Variants in MTF2 observed in about 807,000 individuals in gnomAD.
MTF2 encodes the protein metal response element binding transcription factor 2, also known as metal-response element-binding transcription factor 2.
MTF2 carries 11 observed loss-of-function variants against 79.5 expected under a neutral mutation model. The ratio of observed to expected loss-of-function variants is 0.14; its 90% CI spans 0.09 to 0.23. The LOEUF (loss-of-function observed/expected upper bound fraction) is 0.23, where lower values mean the gene tolerates loss of function less well. Among genes scored for constraint, MTF2 ranks in the 10% least tolerant of loss-of-function variants. The pLI is 1.00. For synonymous variants in MTF2, 208 were observed against 232.8 expected (o/e 0.89, Z 0.97); for missense variants, 486 against 711.2 (o/e 0.68, Z 3.60).
chr1:93,080,363 T>A (rs1654554748), intron 1 of MTF2, among the ~76,000 whole-genome samples: 2 of 152,208 alleles, frequency 1.3e-5, no homozygotes, highest in South Asian at 4.1e-4. Context: ...CAATCTGGTG[T>A]CCTTGGTTGC....
chr1:93,095,601 AAGT>A (rs979435908), intron 1 of MTF2, among the ~76,000 whole-genome samples: 2 of 151,528 alleles, frequency 1.3e-5, no homozygotes, highest in African/African-American at 4.9e-5. Flanking sequence ...TGGCCTCCCA[AAGT>A]ACTGACTGGG....
intron 3 of MTF2, among the ~76,000 whole-genome samples, chr1:93,112,572 A>G (rs12094547): frequency 0.16 from 24,813 of 152,152 alleles, 2,251 homozygotes; most frequent in African/African-American, 0.21. Flanking sequence ...CATTAAATGC[A>G]GAAGTTTATA....
At chr1:93,112,110 T>A (rs1340476820) in intron 3 of MTF2, among the ~76,000 whole-genome samples, 1 of 152,216 alleles carries the variant, frequency 6.6e-6, no homozygotes, top group Non-Finnish European at 1.5e-5. Context: ...GTCAGTTTAA[T>A]GTTCTGTGGT....
chr1:93,095,655 CTTTTT>C (rs111973268), intron 1 of MTF2, among the ~76,000 whole-genome samples: 2 of 118,742 alleles, frequency 1.7e-5, no homozygotes, highest in East Asian at 2.5e-4. Context: ...TTTCTCTGTT[CTTTTT>C]TTTTTTTTTT....
intron 1 of MTF2, among the ~76,000 whole-genome samples, chr1:93,100,974 A>G (rs1358340114): frequency 6.6e-6 from 1 of 152,184 alleles, no homozygotes; most frequent in Non-Finnish European, 1.5e-5. Context: ...ATTAACCCAC[A>G]TATTTACTAC....
chr1:93,098,984 AG>A (rs1188135861), intron 1 of MTF2, among the ~76,000 whole-genome samples: 1 of 152,240 alleles, frequency 6.6e-6, no homozygotes, highest in South Asian at 2.1e-4. Context: ...AGATGGTGAG[AG>A]GGGGATGTTT....
At chr1:93,136,472 C>T (rs1270870379) in intron 14 of MTF2, among the ~76,000 whole-genome samples, 198 bp from the exon 15 acceptor site, 1 of 152,146 alleles carries the variant, frequency 6.6e-6, no homozygotes, top group East Asian at 1.9e-4. Context: ...AAGTTCAGCT[C>T]CAAGAACGTG....
At chr1:93,096,779 A>G (rs1034293762) in intron 1 of MTF2, among the ~76,000 whole-genome samples, 3 of 150,538 alleles carry the variant, frequency 2.0e-5, no homozygotes, top group African/African-American at 7.3e-5. Context: ...TGGATTATTT[A>G]AAAGTGTATA....
intron 14 of MTF2, 28 bp from the exon 15 acceptor site, chr1:93,136,642 G>T: frequency 6.3e-7 from 1 of 1,579,112 alleles, no homozygotes; most frequent in South Asian, 1.1e-5. Context: ...AAGCTCAGTA[G>T]ACAATTCTGG....
rs1304652542 is a variant in MTF2 at position 93,134,080 on chromosome 1, T to C, written c.1320-11T>C. 3 of 1,594,658 alleles carry C rather than the reference T, an allele frequency of 1.9e-6. No homozygotes were observed. The African/African-American group carries it at 4.1e-5, about 22-fold the overall frequency. ...TATAGTCGTTACACAATTTAAATTC[T>C]TTTGTCTCAGGAGAACTGAGGGAAC... On this transcript the variant is annotated splice_polypyrimidine_tract_variant and intron_variant, in intron 13 of 14. Transcript: ENST00000370298.
intron 1 of MTF2, among the ~76,000 whole-genome samples, chr1:93,091,753 T>A (rs1256193383): frequency 6.6e-6 from 1 of 152,216 alleles, no homozygotes; most frequent in Non-Finnish European, 1.5e-5. Context: ...AAATACTGAA[T>A]ACATTGTTCT....
intron 1 of MTF2, among the ~76,000 whole-genome samples, chr1:93,097,306 A>G (rs1208578917): frequency 6.6e-6 from 1 of 152,132 alleles, no homozygotes; most frequent in African/African-American, 2.4e-5. Flanking sequence ...GATGAAAGAG[A>G]TAATTTAAAC....
At chr1:93,134,345 A>G (rs531888687) in intron 14 of MTF2, 150 bp downstream of exon 14, 16 of 586,856 alleles carry the variant, frequency 2.7e-5, no homozygotes, top group African/African-American at 2.3e-4. Flanking sequence ...GTAGATCCCA[A>G]TAGTTGTTAA....
At chr1:93,086,991 C>G (rs116753611) in intron 1 of MTF2, among the ~76,000 whole-genome samples, 1 of 152,192 alleles carries the variant, frequency 6.6e-6, no homozygotes, top group Non-Finnish European at 1.5e-5. Context: ...GTTTCATACA[C>G]ACGTTGTATG....
intron 9 of MTF2, chr1:93,121,032 G>C: frequency 9.7e-7 from 1 of 1,029,112 alleles, no homozygotes; most frequent in Non-Finnish European, 1.2e-6. Context: ...TAAACTTAGA[G>C]ATATAACCAA....
At chr1:93,112,118 GGTT>G (rs1656052804) in intron 3 of MTF2, among the ~76,000 whole-genome samples, 1 of 152,116 alleles carries the variant, frequency 6.6e-6, no homozygotes, top group Admixed American at 6.6e-5. Flanking sequence ...AATGTTCTGT[GGTT>G]GTTCTTTCTT....
At position 93,136,913 on chromosome 1, in the gene MTF2, T is replaced by C; in HGVS notation, c.1668T>C (p.Phe556=). The C allele has an allele frequency of 6.2e-7, 1 of 1,614,172 alleles. No individual in the cohort carries two copies. Among genetic ancestry groups the C allele is most frequent in the Non-Finnish European group, 8.5e-7 (1 of 1,180,010 alleles). The part of the protein sequence containing the change: ...NHLKNSITSY[F]GAAGRIACGE... Reference sequence around the variant, plus strand: ...TAAAGAACTCCATTACCAGTTATTTTGGTGCTGCAGGTAGAATAGCATGTG... The same window carrying C: ...TAAAGAACTCCATTACCAGTTATTTCGGTGCTGCAGGTAGAATAGCATGTG... The change falls in exon 15 of 15, where the codon TTT becomes TTC. Residue 556 remains phenylalanine, a synonymous_variant. Transcript: ENST00000370298.
rs985928849 is a variant in MTF2, at chr1:93,138,752, A to AT, written c.*1730dup. Reference sequence around the variant, plus strand: ...TGAATAACACACAGAGTTTGTGTTGATTTTTGAATGTTTGTTTATATCTAG... The same window carrying AT: ...TGAATAACACACAGAGTTTGTGTTGATTTTTTGAATGTTTGTTTATATCTAG... On this transcript the variant is annotated 3_prime_UTR_variant, in exon 15 of 15. Transcript: ENST00000370298. 2.6e-5 allele frequency: 4 copies of AT among 152,190 alleles called. No individual in the cohort carries two copies. Among genetic ancestry groups the AT allele is most frequent in the African/African-American group, 9.6e-5 (4 of 41,458 alleles). 9.4% of individuals were successfully genotyped at this position (152,190 alleles called of 1,614,324 possible).
At position 93,137,135 on chromosome 1, in the gene MTF2, C is replaced by G. The variant is rs1647435926; in HGVS notation, c.*108C>G. 1.2e-6 allele frequency: 1 copy of G among 808,934 alleles called. No homozygotes were observed. The highest frequency in any genetic ancestry group is 2.8e-5 in the Admixed American group (1 of 35,444). The allele number at this position is 808,934 out of a possible 1,614,324, so 50.1% of individuals were successfully genotyped here. A position where few individuals can be genotyped will look rare whatever the true frequency, so the allele number is the denominator to read the frequency against. ...ATCTTTCTTAAAAAAAAAAAAAAGT[C>G]AAAAAAATTCAAAAAAGGGGATGAT... On this transcript the variant is annotated 3_prime_UTR_variant, in exon 15 of 15. Coordinates refer to ENST00000370298, the MANE Select transcript of MTF2 (RefSeq NM_007358.4).
Sources: gnomAD v4.1 joint callset for allele counts (sites outside exome capture counted in the v4.1 genomes callset) on GRCh38, gnomAD v4.1.1 for gene constraint, MANE v1.5 for transcripts, NCBI Gene and HGNC (gene_info 2026-07-23, HGNC 2026-07-21) for gene names.